The following RAB6C variants were observed in gnomAD, a reference collection of about 807,000 sequenced individuals.
The protein encoded by RAB6C is ras-related protein Rab-6C.
RAB6C carries 8 observed loss-of-function variants against 17.2 expected under a neutral mutation model. The ratio of observed to expected loss-of-function variants is 0.46; its 90% CI spans 0.27 to 0.84. RAB6C has a LOEUF of 0.84. Ranked by LOEUF, RAB6C falls within the 40% of genes least tolerant of loss-of-function variation. The pLI, the probability that RAB6C is intolerant of heterozygous loss-of-function variation, is 0.13. For synonymous variants in RAB6C, 78 were observed against 118.9 expected (o/e 0.66, Z 2.24); for missense variants, 151 against 306.5 (o/e 0.49, Z 3.79).
At position 129,979,881 on chromosome 2, in the gene RAB6C, C is replaced by G; in HGVS notation, c.-235C>G. On this transcript the variant is annotated 5_prime_UTR_variant, in exon 1 of 1. Transcript: ENST00000410061. ...ACCGCCCTCCTTCCCTTCCCAGCCG[C>G]GGGCCTCGCTCCGTGCTCGGCTACT... 1.5e-6 allele frequency: 1 copy of G among 682,840 alleles called. No homozygotes were observed. Among genetic ancestry groups the G allele is most frequent in the African/African-American group, 1.8e-5 (1 of 54,922 alleles). The allele number at this position is 682,840 out of a possible 1,614,324, so 42.3% of individuals were successfully genotyped here.
Position 129,980,908 on chromosome 2 carries a change from G to C in RAB6C, c.*28G>C. The C allele has an allele frequency of 6.3e-7, 1 of 1,576,850 alleles. No homozygotes were observed. Among genetic ancestry groups the C allele is most frequent in the Non-Finnish European group, 8.6e-7 (1 of 1,161,568 alleles). ...TATTAGCTTCACAAGCACAAAAAAA[G>C]TCAGCGTCTTCATTATTTATATTTT... On this transcript the variant is annotated 3_prime_UTR_variant, in exon 1 of 1. Coordinates refer to ENST00000410061, the MANE Select transcript of RAB6C (RefSeq NM_032144.3).
Position 129,982,484 on chromosome 2 carries a change from GT to G in RAB6C, c.*1605del, listed in dbSNP as rs529713034. 110 of 167,142 alleles carry G rather than the reference GT, an allele frequency of 6.6e-4. No individual in the cohort carries two copies. Among genetic ancestry groups the G allele is most frequent in the African/African-American group, 2.4e-3 (101 of 41,524 alleles). The allele number at this position is 167,142 out of a possible 1,614,324, so 10.4% of individuals were successfully genotyped here. On this transcript the variant is annotated 3_prime_UTR_variant, in exon 1 of 1. Transcript: ENST00000410061. Reference sequence around the variant, plus strand: ...AAAACCTTAAACTGGGAGAACCTTAGTCCCCTCTCTTTCCTCTTCCTCCTCC... The same window carrying G: ...AAAACCTTAAACTGGGAGAACCTTAGCCCCTCTCTTTCCTCTTCCTCCTCC...
chr2:129,980,941 G>A lies in RAB6C; in HGVS notation c.*61G>A. ...CTTCATTATTTATATTTTACAAAAA[G>A]CCAAATTATTTCAGCATATTCCGGT... On this transcript the variant is annotated 3_prime_UTR_variant, in exon 1 of 1. Transcript: ENST00000410061. 7 of 1,539,946 alleles carry A rather than the reference G, an allele frequency of 4.5e-6. No individual in the cohort carries two copies. Among genetic ancestry groups the A allele is most frequent in the Non-Finnish European group, 6.1e-6 (7 of 1,147,550 alleles).
In RAB6C at chr2:129,981,343, A is replaced by T. The variant is rs1281400598; in HGVS notation, c.*463A>T. 5.2e-6 allele frequency: 1 copy of T among 193,070 alleles called. No homozygotes were observed. The highest frequency in any genetic ancestry group is 1.2e-5 in the Non-Finnish European group (1 of 83,686). The allele number at this position is 193,070 out of a possible 1,614,324, so 12.0% of individuals were successfully genotyped here. On this transcript the variant is annotated 3_prime_UTR_variant, in exon 1 of 1. Coordinates refer to ENST00000410061, the MANE Select transcript of RAB6C (RefSeq NM_032144.3). ...TAGATCTTCTTTGAGGTCAGAATTC[A>T]GCGATCACGGTAGGCAGTGCTTGAA...
rs1469974820 is a variant in RAB6C, at chr2:129,980,320, A to C, written c.205A>C (p.Thr69Pro). The C allele has an allele frequency of 6.4e-7, 1 of 1,562,928 alleles. No homozygotes were observed. The highest frequency in any genetic ancestry group is 8.7e-7 in the Non-Finnish European group (1 of 1,155,338). The change falls in exon 1 of 1, where the codon ACG (threonine) becomes CCG (proline). Residue 69 changes from threonine to proline, a missense_variant. Around this residue, in one of 2 missense-constraint regions of RAB6C, gnomAD observed 15 missense variants for 106.6 expected, o/e 0.14. Coordinates refer to ENST00000410061, the MANE Select transcript of RAB6C (RefSeq NM_032144.3). ...DGTIGLRLWD[T>P]AGQERLRSLI... ...AACAATCGGGCTTCGGCTGTGGGAT[A>C]CGGCGGGTCAGGAACGTCTCCGTAG... is the stretch of plus-strand genomic sequence containing the variant.
rs756654638 is a variant in RAB6C at position 129,980,394 on chromosome 2, C to T, written c.279C>T (p.Tyr93=). 10 of 1,612,854 alleles carry T rather than the reference C, an allele frequency of 6.2e-6. 1 individual carries two copies. Among genetic ancestry groups the T allele is most frequent in the Non-Finnish European group, 6.8e-6 (8 of 1,179,774 alleles). Residue 93 remains tyrosine, a synonymous_variant, in exon 1 of 1, where the codon TAC becomes TAT. Transcript: ENST00000410061. ...IRDSAAAVVV[Y]DITNVNSFQQ... The stretch of plus-strand genomic sequence containing the variant: ...ATTCTGCTGCAGCTGTAGTAGTTTA[C>T]GATATCACAAATGTTAACTCATTCC...
chr2:129,979,906 T>G lies in RAB6C; in HGVS notation c.-210T>G. 1 of 883,306 alleles carries G rather than the reference T, an allele frequency of 1.1e-6. No individual in the cohort carries two copies. Among genetic ancestry groups the G allele is most frequent in the South Asian group, 1.8e-5 (1 of 54,838 alleles). 54.7% of individuals were successfully genotyped at this position (883,306 alleles called of 1,614,324 possible). ...CGGGCCTCGCTCCGTGCTCGGCTAC[T>G]CTGCCGGGAGGCGGCGGCGGCTGCC... is the stretch of plus-strand genomic sequence containing the variant. On this transcript the variant is annotated 5_prime_UTR_variant, in exon 1 of 1. Transcript: ENST00000410061.
In RAB6C at chr2:129,982,654, A is replaced by T; in HGVS notation, c.*1774A>T. The T allele has an allele frequency of 6.0e-6, 1 of 167,240 alleles. No individual in the cohort carries two copies. The allele number at this position is 167,240 out of a possible 1,614,324, so 10.4% of individuals were successfully genotyped here. A position where few individuals can be genotyped will look rare whatever the true frequency, so the allele number is the denominator to read the frequency against. On this transcript the variant is annotated 3_prime_UTR_variant, in exon 1 of 1. Coordinates refer to ENST00000410061, the MANE Select transcript of RAB6C (RefSeq NM_032144.3). ...GATGGAGTTATAAAGTGCTTTTATAATACAATATAATTGCTAAAGGCAAGG... is the reference window on the plus strand; with the variant it reads ...GATGGAGTTATAAAGTGCTTTTATATTACAATATAATTGCTAAAGGCAAGG...
chr2:129,980,373 T>C lies in RAB6C; in HGVS notation c.258T>C (p.Ser86=), dbSNP rs1289439291. Reference sequence around the variant, plus strand: ...TCATTCCCAGGTACATCCGTGATTCTGCTGCAGCTGTAGTAGTTTACGATA... The same window carrying C: ...TCATTCCCAGGTACATCCGTGATTCCGCTGCAGCTGTAGTAGTTTACGATA... The part of the protein sequence containing the change: ...RSLIPRYIRD[S]AAAVVVYDIT... Residue 86 remains serine, a synonymous_variant, in exon 1 of 1, where the codon TCT becomes TCC. Coordinates refer to ENST00000410061, the MANE Select transcript of RAB6C (RefSeq NM_032144.3). 6 of 1,612,474 alleles carry C rather than the reference T, an allele frequency of 3.7e-6. No homozygotes were observed. The African/African-American group carries it at 8.1e-5, about 22-fold the overall frequency.
rs1681784272 is a variant in RAB6C at position 129,982,482 on chromosome 2, T to A, written c.*1602T>A. 6.0e-6 allele frequency: 1 copy of A among 167,090 alleles called. No individual in the cohort carries two copies. Among genetic ancestry groups the A allele is most frequent in the African/African-American group, 2.4e-5 (1 of 41,442 alleles). 10.4% of individuals were successfully genotyped at this position (167,090 alleles called of 1,614,324 possible). On this transcript the variant is annotated 3_prime_UTR_variant, in exon 1 of 1. Transcript: ENST00000410061. ...ACAAAACCTTAAACTGGGAGAACCT[T>A]AGTCCCCTCTCTTTCCTCTTCCTCC...
chr2:129,980,980 A>C lies in RAB6C; in HGVS notation c.*100A>C. ...GCATATTCCGGTGATAACTTTAAAA[A>C]TTAGATACATTTTCTTAACATTTTT... is the stretch of plus-strand genomic sequence containing the variant. On this transcript the variant is annotated 3_prime_UTR_variant, in exon 1 of 1. Transcript: ENST00000410061. 2 of 1,470,270 alleles carry C rather than the reference A, an allele frequency of 1.4e-6. No homozygotes were observed. Among genetic ancestry groups the C allele is most frequent in the Non-Finnish European group, 9.1e-7 (1 of 1,095,032 alleles). The allele number at this position is 1,470,270 out of a possible 1,614,324, so 91.1% of individuals were successfully genotyped here. A position where few individuals can be genotyped will look rare whatever the true frequency, so the allele number is the denominator to read the frequency against.
At position 129,979,766 on chromosome 2, in the gene RAB6C, T is replaced by C. The variant is rs1366809379; in HGVS notation, c.-350T>C. The C allele has an allele frequency of 4.8e-5, 19 of 397,554 alleles. No individual in the cohort carries two copies. Among genetic ancestry groups the C allele is most frequent in the East Asian group, 1.0e-4 (2 of 19,170 alleles). The allele number at this position is 397,554 out of a possible 1,614,324, so 24.6% of individuals were successfully genotyped here. ...GCGGTTTGGGCTCCGCCACCCTCCG[T>C]CTCTCTCCCGCAGGTCTCTGAGCCG... On this transcript the variant is annotated 5_prime_UTR_variant, in exon 1 of 1. Coordinates refer to ENST00000410061, the MANE Select transcript of RAB6C (RefSeq NM_032144.3).
At position 129,980,884 on chromosome 2, in the gene RAB6C, A is replaced by G. The variant is rs535568191; in HGVS notation, c.*4A>G. 1.2e-5 allele frequency: 20 copies of G among 1,601,724 alleles called. No homozygotes were observed. The East Asian group carries it at 3.1e-4, about 25-fold the overall frequency. On this transcript the variant is annotated 3_prime_UTR_variant, in exon 1 of 1. Coordinates refer to ENST00000410061, the MANE Select transcript of RAB6C (RefSeq NM_032144.3). The stretch of plus-strand genomic sequence containing the variant: ...GCTGCCTGTCTCGTGGAGGTGATCT[A>G]TTAGCTTCACAAGCACAAAAAAAGT...
In RAB6C at chr2:129,982,100, A is replaced by G. The variant is rs1681777991; in HGVS notation, c.*1220A>G. On this transcript the variant is annotated 3_prime_UTR_variant, in exon 1 of 1. Coordinates refer to ENST00000410061, the MANE Select transcript of RAB6C (RefSeq NM_032144.3). Reference sequence around the variant, plus strand: ...AACTAGTGATTTAGTTTTATATTTAAGCTACGATTAATATTTTTTCTTTGG... The same window carrying G: ...AACTAGTGATTTAGTTTTATATTTAGGCTACGATTAATATTTTTTCTTTGG... 1 of 163,364 alleles carries G rather than the reference A, an allele frequency of 6.1e-6. No individual in the cohort carries two copies. Among genetic ancestry groups the G allele is most frequent in the African/African-American group, 2.5e-5 (1 of 40,624 alleles). 10.1% of individuals were successfully genotyped at this position (163,364 alleles called of 1,614,324 possible). A position where few individuals can be genotyped will look rare whatever the true frequency, so the allele number is the denominator to read the frequency against.
chr2:129,981,061 G>C lies in RAB6C; in HGVS notation c.*181G>C, dbSNP rs1270200630. On this transcript the variant is annotated 3_prime_UTR_variant, in exon 1 of 1. Transcript: ENST00000410061. Reference sequence around the variant, plus strand: ...AAAATGATGGAAATCTCAACAGTATGAGTATGGCTTGGTTAACGAGCAGTA... The same window carrying C: ...AAAATGATGGAAATCTCAACAGTATCAGTATGGCTTGGTTAACGAGCAGTA... 8.1e-6 allele frequency: 5 copies of C among 615,354 alleles called. No individual in the cohort carries two copies. Among genetic ancestry groups the C allele is most frequent in the Non-Finnish European group, 1.5e-5 (5 of 343,208 alleles). 38.1% of individuals were successfully genotyped at this position (615,354 alleles called of 1,614,324 possible).
Position 129,981,813 on chromosome 2 carries a change from A to T in RAB6C, c.*933A>T, listed in dbSNP as rs1481499339. Reference sequence around the variant, plus strand: ...GAAATAACGATATCTAAAGCTTACCAGCAAAAGAACCCTCAGCAGAATAGC... The same window carrying T: ...GAAATAACGATATCTAAAGCTTACCTGCAAAAGAACCCTCAGCAGAATAGC... On this transcript the variant is annotated 3_prime_UTR_variant, in exon 1 of 1. Transcript: ENST00000410061. 1 of 167,136 alleles carries T rather than the reference A, an allele frequency of 6.0e-6. No homozygotes were observed. Among genetic ancestry groups the T allele is most frequent in the Non-Finnish European group, 1.5e-5 (1 of 68,132 alleles). The allele number at this position is 167,136 out of a possible 1,614,324, so 10.4% of individuals were successfully genotyped here.
At position 129,979,917 on chromosome 2, in the gene RAB6C, G is replaced by A. The variant is rs1157308574; in HGVS notation, c.-199G>A. ...CCGTGCTCGGCTACTCTGCCGGGAG[G>A]CGGCGGCGGCTGCCAGTCTGTGGCG... On this transcript the variant is annotated 5_prime_UTR_variant, in exon 1 of 1. Coordinates refer to ENST00000410061, the MANE Select transcript of RAB6C (RefSeq NM_032144.3). 12 of 947,962 alleles carry A rather than the reference G, an allele frequency of 1.3e-5. No homozygotes were observed. The highest frequency in any genetic ancestry group is 1.9e-5 in the Non-Finnish European group (12 of 643,296). The allele number at this position is 947,962 out of a possible 1,614,324, so 58.7% of individuals were successfully genotyped here. A position where few individuals can be genotyped will look rare whatever the true frequency, so the allele number is the denominator to read the frequency against.
Position 129,980,502 on chromosome 2 carries a change from T to C in RAB6C, c.387T>C (p.Asp129=). ...VIITLVGNRT[D]LADKRQVSVE... ...TCACGCTAGTAGGAAATAGAACAGATCTTGCTGACAAGAGGCAAGTGTCAG... is the reference window on the plus strand; with the variant it reads ...TCACGCTAGTAGGAAATAGAACAGACCTTGCTGACAAGAGGCAAGTGTCAG... The change falls in exon 1 of 1, where the codon GAT becomes GAC. Residue 129 remains aspartate (D), a synonymous_variant. Transcript: ENST00000410061. 1 of 1,614,144 alleles carries C rather than the reference T, an allele frequency of 6.2e-7. No individual in the cohort carries two copies. The highest frequency in any genetic ancestry group is 8.5e-7 in the Non-Finnish European group (1 of 1,180,036).
In RAB6C at chr2:129,979,980, C is replaced by A. The variant is rs1299534662; in HGVS notation, c.-136C>A. On this transcript the variant is annotated 5_prime_UTR_variant, in exon 1 of 1. Coordinates refer to ENST00000410061, the MANE Select transcript of RAB6C (RefSeq NM_032144.3). ...CTCCAGCCGGGCTCCTCCAGCCGGG[C>A]TCCTCCACCGGCCCTTGCAGGGGCG... 1.4e-5 allele frequency: 18 copies of A among 1,312,812 alleles called. No homozygotes were observed. The highest frequency in any genetic ancestry group is 1.5e-5 in the Non-Finnish European group (15 of 971,980). The allele number at this position is 1,312,812 out of a possible 1,614,324, so 81.3% of individuals were successfully genotyped here.
Sources: allele counts gnomAD v4.1 joint callset, GRCh38; gene constraint gnomAD v4.1.1; regional missense constraint gnomAD v4.1.1; transcripts MANE v1.5; gene names NCBI Gene and HGNC (gene_info 2026-07-23, HGNC 2026-07-21).